Variants in AGBL4 observed in about 807,000 individuals in gnomAD.
AGBL4 encodes AGBL carboxypeptidase 4, also known as cytosolic carboxypeptidase 6.
Under a neutral mutation model 66.4 loss-of-function variants are expected in AGBL4, and 58 were observed. The ratio of observed to expected loss-of-function variants is 0.87; its 90% confidence interval spans 0.71 to 1.09. AGBL4 has a LOEUF of 1.09. Ranked by LOEUF, AGBL4 falls within the 50% of genes least tolerant of loss-of-function variation. The probability of loss-of-function intolerance (pLI) is 0.00; values close to 1 mark genes in which losing one functional copy is unlikely to be tolerated. For synonymous variants in AGBL4, 234 were observed against 222.9 expected (o/e 1.05, Z -0.44); for missense variants, 579 against 631.0 (o/e 0.92, Z 0.88).
intron 3 of AGBL4, among the ~76,000 whole-genome samples, chr1:49,496,539 C>A (rs1400692311): frequency 6.7e-6 from 1 of 149,068 alleles, no homozygotes; most frequent in Non-Finnish European, 1.5e-5. Flanking sequence ...CCACCCCACC[C>A]AAGCCCCTAG....
intron 11 of AGBL4, among the ~76,000 whole-genome samples, chr1:48,542,312 G>A (rs1644087150): frequency 6.6e-6 from 1 of 152,196 alleles, no homozygotes; most frequent in Admixed American, 6.5e-5. Flanking sequence ...ACGTGTGCAT[G>A]TGTCTTTATA....
At chr1:49,129,586 A>C in intron 4 of AGBL4, among the ~76,000 whole-genome samples, 1 of 150,384 alleles carries the variant, frequency 6.6e-6, no homozygotes, top group Non-Finnish European at 1.5e-5. Flanking sequence ...TCCTTGCGAT[A>C]GTTTACTGAG....
At chr1:48,689,336 AAGCC>A (rs1257054730) in intron 6 of AGBL4, among the ~76,000 whole-genome samples, 1 of 152,008 alleles carries the variant, frequency 6.6e-6, no homozygotes, top group Non-Finnish European at 1.5e-5. Flanking sequence ...GCTGCAACAC[AAGCC>A]AGACAGTGAG....
chr1:49,411,805 T>C (rs975563505), intron 3 of AGBL4, among the ~76,000 whole-genome samples: 25 of 152,132 alleles, frequency 1.6e-4, no homozygotes, highest in African/African-American at 6.0e-4. Context: ...AAAGATCATT[T>C]GGGGGACTAT....
At chr1:48,578,583 C>T (rs74079406) in intron 11 of AGBL4, among the ~76,000 whole-genome samples, 3,090 of 152,266 alleles carry the variant, frequency 0.02, 109 homozygotes, top group African/African-American at 0.071. Context: ...CTGTCCTCCA[C>T]CGAAAATTTA....
chr1:49,907,783 A>G (rs543098253), intron 1 of AGBL4, among the ~76,000 whole-genome samples: 1 of 152,172 alleles, frequency 6.6e-6, no homozygotes, highest in Non-Finnish European at 1.5e-5. Flanking sequence ...TAAACTGTAC[A>G]AAATCAAGAG....
At chr1:49,856,305 CA>C (rs1646431920) in intron 1 of AGBL4, among the ~76,000 whole-genome samples, 1 of 151,944 alleles carries the variant, frequency 6.6e-6, no homozygotes, top group East Asian at 1.9e-4. Context: ...TGAAATCTAC[CA>C]AACTTTTTAA....
At chr1:49,173,469 G>A (rs1646775436) in intron 4 of AGBL4, among the ~76,000 whole-genome samples, 1 of 152,130 alleles carries the variant, frequency 6.6e-6, no homozygotes, top group Non-Finnish European at 1.5e-5. Flanking sequence ...CTAATCCCAA[G>A]AAGGACTTTG....
intron 6 of AGBL4, among the ~76,000 whole-genome samples, chr1:48,756,146 T>G (rs769205891): frequency 6.6e-6 from 1 of 152,206 alleles, no homozygotes; most frequent in Non-Finnish European, 1.5e-5. Context: ...ATTTTACATA[T>G]GAGAACACTG....
intron 3 of AGBL4, among the ~76,000 whole-genome samples, chr1:49,576,936 G>A (rs1644448565): frequency 6.6e-6 from 1 of 152,198 alleles, no homozygotes; most frequent in Admixed American, 6.5e-5. Flanking sequence ...GTGGTGAAGG[G>A]AAATCTTCCC....
intron 9 of AGBL4, among the ~76,000 whole-genome samples, chr1:48,618,999 T>C (rs1022622553): frequency 4.0e-5 from 6 of 151,398 alleles, no homozygotes; most frequent in Admixed American, 3.3e-4. Context: ...GCTGCTTCCA[T>C]GCATTTTAAA....
chr1:48,561,605 T>A (rs372882028), intron 11 of AGBL4, among the ~76,000 whole-genome samples: 50 of 152,326 alleles, frequency 3.3e-4, no homozygotes, highest in Middle Eastern at 3.4e-3. Context: ...GTGAGTAGAC[T>A]TAGTCAAGGA....
At chr1:49,484,168 C>A (rs759745548) in intron 3 of AGBL4, among the ~76,000 whole-genome samples, 28 of 151,822 alleles carry the variant, frequency 1.8e-4, no homozygotes, top group Non-Finnish European at 2.8e-4. Context: ...ATTAGTACAA[C>A]CACTGAGAAA....
chr1:49,730,355 AAG>A (rs1362172753), intron 2 of AGBL4, among the ~76,000 whole-genome samples: 5 of 152,176 alleles, frequency 3.3e-5, no homozygotes, highest in African/African-American at 1.2e-4. Context: ...TGTGAATAAA[AAG>A]AGCTGTTACA....
At chr1:49,983,721 GA>G (rs1659271881) in intron 1 of AGBL4, among the ~76,000 whole-genome samples, 1 of 152,062 alleles carries the variant, frequency 6.6e-6, no homozygotes, top group South Asian at 2.1e-4. Context: ...ACATTTTTTT[GA>G]TTTTTTTCAT....
intron 3 of AGBL4, among the ~76,000 whole-genome samples, chr1:49,410,108 A>G (rs1161448141): frequency 6.6e-6 from 1 of 152,066 alleles, no homozygotes; most frequent in Non-Finnish European, 1.5e-5. Flanking sequence ...CTCTTGTTGA[A>G]CCCAAATGTA....
At chr1:49,052,399 A>G (rs1249002477) in intron 4 of AGBL4, among the ~76,000 whole-genome samples, 3 of 152,190 alleles carry the variant, frequency 2.0e-5, no homozygotes, top group African/African-American at 7.2e-5. Context: ...CAAGAAGAGA[A>G]GACTGAACAA....
chr1:49,900,157 T>C (rs997113602), intron 1 of AGBL4, among the ~76,000 whole-genome samples: 1 of 152,240 alleles, frequency 6.6e-6, no homozygotes, highest in Non-Finnish European at 1.5e-5. Flanking sequence ...TGGTGAATCT[T>C]TCACATATTG....
At chr1:49,744,895 A>G (rs1201429799) in intron 2 of AGBL4, among the ~76,000 whole-genome samples, 3 of 152,124 alleles carry the variant, frequency 2.0e-5, no homozygotes, top group African/African-American at 2.4e-5. Context: ...CCTCAGAGCT[A>G]ACAGAAGAAA....
Sources: gnomAD v4.1 joint callset for allele counts (sites outside exome capture counted in the v4.1 genomes callset) on GRCh38, gnomAD v4.1.1 for gene constraint, MANE v1.5 for transcripts, NCBI Gene and HGNC (gene_info 2026-07-23, HGNC 2026-07-21) for gene names.